The following SUGCT variants were observed in gnomAD, a reference collection of about 807,000 sequenced individuals.
The protein encoded by SUGCT is succinyl-CoA:glutarate CoA-transferase.
Under a neutral mutation model 55.0 loss-of-function variants are expected in SUGCT, and 41 were observed. The ratio of observed to expected loss-of-function variants is 0.74; its 90% CI spans 0.58 to 0.97. The LOEUF is 0.97. Among genes scored for constraint, SUGCT ranks in the 50% least tolerant of loss-of-function variants. SUGCT has a pLI of 0.00. For missense variants in SUGCT, 568 were observed against 547.8 expected (o/e 1.04, Z -0.37); for synonymous variants, 187 against 200.4 (o/e 0.93, Z 0.56).
intron 8 of SUGCT, among the ~76,000 whole-genome samples, chr7:40,315,787 G>A (rs1795395506): frequency 6.6e-6 from 1 of 152,124 alleles, no homozygotes; most frequent in Non-Finnish European, 1.5e-5. Flanking sequence ...GCAAGCCGGT[G>A]CTATATCATG....
the SUGCT span, among the ~76,000 whole-genome samples, chr7:41,026,515 A>G: frequency 1.3e-5 from 2 of 152,170 alleles, no homozygotes; most frequent in Non-Finnish European, 2.9e-5. Context: ...CCTTGATACT[A>G]ATTCTATTTA....
chr7:40,140,562 G>C (rs946271888), intron 1 of SUGCT, among the ~76,000 whole-genome samples: 1 of 152,030 alleles, frequency 6.6e-6, no homozygotes, highest in South Asian at 2.1e-4. Flanking sequence ...CACCACACCT[G>C]GCTAATTTTT....
the SUGCT span, among the ~76,000 whole-genome samples, chr7:40,901,142 G>T: frequency 6.6e-6 from 1 of 152,198 alleles, no homozygotes; most frequent in African/African-American, 2.4e-5. Context: ...AGATATTTCA[G>T]TTGACTTACA....
Position 40,687,202 on chromosome 7 carries a change from G to A in SUGCT, c.1090-62232G>A, listed in dbSNP as rs541238285. Among the ~76,000 whole-genome samples the A allele has an allele frequency of 1.4e-4, 21 of 152,202 alleles. 1 individual carries two copies. The highest frequency in any genetic ancestry group is 4.6e-4 in the African/African-American group (19 of 41,534). On this transcript the variant is annotated intron_variant, in intron 12 of 13. Coordinates refer to ENST00000335693, the MANE Select transcript of SUGCT (RefSeq NM_001193313.2). Reference sequence around the variant, plus strand: ...AAAAATTCTCTACTGTCATTTTGGTGGAGAATTATGAGGGAAGAGTAATAA... The same window carrying A: ...AAAAATTCTCTACTGTCATTTTGGTAGAGAATTATGAGGGAAGAGTAATAA...
intron 12 of SUGCT, among the ~76,000 whole-genome samples, chr7:40,644,156 G>C (rs1349510699): frequency 5.3e-5 from 8 of 152,156 alleles, no homozygotes; most frequent in African/African-American, 1.4e-4. Context: ...ACTATAGGAG[G>C]GGGGAAAGAT....
At chr7:40,853,029 A>T (rs956026720) in intron 13 of SUGCT, among the ~76,000 whole-genome samples, 1 of 151,772 alleles carries the variant, frequency 6.6e-6, no homozygotes, top group South Asian at 2.1e-4. Flanking sequence ...GATGATGACA[A>T]TAAAATTGTG....
At chr7:40,668,183 C>G (rs778139641) in intron 12 of SUGCT, among the ~76,000 whole-genome samples, 2 of 152,122 alleles carry the variant, frequency 1.3e-5, no homozygotes, top group Non-Finnish European at 2.9e-5. Context: ...ATGGTATTGA[C>G]TGAGTCCTTT....
At chr7:40,411,767 A>G (rs182782089) in intron 9 of SUGCT, among the ~76,000 whole-genome samples, 64 of 152,310 alleles carry the variant, frequency 4.2e-4, no homozygotes, top group African/African-American at 1.3e-3. Flanking sequence ...GCTAGACAGG[A>G]TTAATTTGAA....
chr7:40,610,161 A>G (rs1040125617), intron 12 of SUGCT, among the ~76,000 whole-genome samples: 2 of 152,238 alleles, frequency 1.3e-5, no homozygotes, highest in African/African-American at 2.4e-5. Flanking sequence ...CCTAAGGGAA[A>G]GGGCAGCAGC....
At chr7:40,777,995 A>T (rs1789548972) in intron 13 of SUGCT, among the ~76,000 whole-genome samples, 1 of 152,004 alleles carries the variant, frequency 6.6e-6, no homozygotes, top group African/African-American at 2.4e-5. Flanking sequence ...CACAGCGGCC[A>T]CCCCAGCAAC....
chr7:40,808,953 A>G (rs13225441), intron 13 of SUGCT, among the ~76,000 whole-genome samples: 3,527 of 152,274 alleles, frequency 0.023, 56 homozygotes, highest in Non-Finnish European at 0.035. Flanking sequence ...CTGACTCTGT[A>G]CCTAACGAAC....
intron 9 of SUGCT, among the ~76,000 whole-genome samples, chr7:40,401,598 C>T (rs907743198): frequency 3.3e-5 from 5 of 152,216 alleles, no homozygotes; most frequent in African/African-American, 9.6e-5. Context: ...GCCCTTCCAA[C>T]TTTGCAGTCT....
At chr7:40,866,677 C>T in the SUGCT span, among the ~76,000 whole-genome samples, 2 of 151,860 alleles carry the variant, frequency 1.3e-5, no homozygotes, top group African/African-American at 4.8e-5. Context: ...GCTCCCACCT[C>T]CAAGCCCACG....
At chr7:40,444,896 C>T (rs1358715141) in intron 9 of SUGCT, among the ~76,000 whole-genome samples, 1 of 152,128 alleles carries the variant, frequency 6.6e-6, no homozygotes, top group African/African-American at 2.4e-5. Flanking sequence ...GAGATACATC[C>T]CACCAATACC....
chr7:40,730,281 A>G (rs1786826719), intron 12 of SUGCT, among the ~76,000 whole-genome samples: 1 of 151,910 alleles, frequency 6.6e-6, no homozygotes. Context: ...TAATTTTTGT[A>G]TTTTTAGTAG....
chr7:40,161,451 AT>A (rs1035782322), intron 1 of SUGCT, among the ~76,000 whole-genome samples: 2 of 151,602 alleles, frequency 1.3e-5, no homozygotes, highest in African/African-American at 2.4e-5. Flanking sequence ...CCCCATGCAT[AT>A]TTTTTTTGCT....
the SUGCT span, among the ~76,000 whole-genome samples, chr7:40,955,132 G>C: frequency 6.6e-6 from 1 of 152,126 alleles, no homozygotes; most frequent in Admixed American, 6.5e-5. Context: ...CTCTTTTGTG[G>C]TTCCATATAA....
chr7:40,187,759 C>G (rs1187046485), intron 3 of SUGCT, among the ~76,000 whole-genome samples: 1 of 152,130 alleles, frequency 6.6e-6, no homozygotes, highest in Non-Finnish European at 1.5e-5. Flanking sequence ...TATTGTGAAA[C>G]CCTGTCTCTA....
In SUGCT at chr7:40,235,388, C is replaced by A. The variant is rs374042666; in HGVS notation, c.485-2247C>A. ...TATTGCCCAGGCTGGAGTGCAGTGG[C>A]ATGAACTTGGCTCACTGCAACCTCC... On this transcript the variant is annotated intron_variant, in intron 6 of 13. Transcript: ENST00000335693. 6.4e-4 allele frequency among the ~76,000 whole-genome samples: 97 copies of A among 152,192 alleles called. 2 individuals carry two copies. The South Asian group carries it at 0.02, about 31-fold the overall frequency.
Sources: allele counts gnomAD v4.1 joint callset (sites outside exome capture counted in the v4.1 genomes callset), GRCh38; gene constraint gnomAD v4.1.1; transcripts MANE v1.5; gene names NCBI Gene and HGNC (gene_info 2026-07-23, HGNC 2026-07-21).